DERA: variants seen among roughly 807,000 people sequenced by gnomAD.
The protein encoded by DERA is 2-deoxy-D-ribose 5-phosphate aldolase.
Under a neutral mutation model 41.1 loss-of-function variants are expected in DERA, and 15 were observed. The observed-to-expected ratio is 0.37, with a 90% confidence interval of 0.24 to 0.56. The LOEUF is 0.56. Among genes scored for constraint, DERA ranks in the 20% least tolerant of loss-of-function variants. The probability of loss-of-function intolerance (pLI) is 0.81; values close to 1 mark genes in which losing one functional copy is unlikely to be tolerated. For synonymous variants in DERA, 139 were observed against 137.4 expected (o/e 1.01, Z -0.08); for missense variants, 396 against 403.4 (o/e 0.98, Z 0.16).
intron 1 of DERA, chr12:15,951,408 A>G (rs1233260998): frequency 6.6e-6 from 1 of 152,232 alleles, no homozygotes; most frequent in Non-Finnish European, 1.5e-5. Context: ...GGAATAGCTC[A>G]GTGGCCAAAG....
chr12:15,966,278 A>G lies in DERA; in HGVS notation c.508+3331A>G, dbSNP rs1204356544. ...TGGGAGTTTGAGACCAGCCTGGCCA[A>G]CATGGCAAAACCCTATCTCTACTAA... is the stretch of plus-strand genomic sequence containing the variant. On this transcript the variant is annotated intron_variant, in intron 5 of 8. Transcript: ENST00000428559. This position sits in a 1 kb window ranked among gnomAD's most constrained non-coding sequence, Gnocchi z 5.1. Among the ~76,000 whole-genome samples, 1 of 152,126 alleles carries G rather than the reference A, an allele frequency of 6.6e-6. No individual in the cohort carries two copies. Among genetic ancestry groups the G allele is most frequent in the East Asian group, 1.9e-4 (1 of 5,160 alleles).
chr12:16,025,451 G>A (rs773286271), intron 6 of DERA, among the ~76,000 whole-genome samples: 1 of 151,912 alleles, frequency 6.6e-6, no homozygotes, highest in East Asian at 1.9e-4. Flanking sequence ...CACTATCAGC[G>A]ATAAAAAAGG....
intron 5 of DERA, among the ~76,000 whole-genome samples, chr12:15,971,003 A>C (rs1327739998): frequency 7.2e-5 from 11 of 152,238 alleles, no homozygotes; most frequent in African/African-American, 2.7e-4. Flanking sequence ...GATTTGGAAA[A>C]AGGAGTGTCC....
intron 6 of DERA, among the ~76,000 whole-genome samples, chr12:16,027,704 A>G (rs1949062221): frequency 6.6e-6 from 1 of 152,220 alleles, no homozygotes; most frequent in East Asian, 1.9e-4. Flanking sequence ...GAATGGTGAG[A>G]GAATACACTT....
intron 1 of DERA, among the ~76,000 whole-genome samples, chr12:15,952,606 A>G (rs560788876): frequency 2.6e-5 from 4 of 152,258 alleles, no homozygotes; most frequent in Non-Finnish European, 4.4e-5. Context: ...CCCAAATATT[A>G]TAATTTCATT....
intron 6 of DERA, among the ~76,000 whole-genome samples, chr12:15,991,630 C>T (rs953153286): frequency 1.8e-4 from 27 of 152,026 alleles, no homozygotes; most frequent in African/African-American, 5.3e-4. Context: ...AATATATAAT[C>T]GAATCTATCA....
At chr12:16,018,396 G>A (rs927524695) in intron 6 of DERA, among the ~76,000 whole-genome samples, 3 of 152,080 alleles carry the variant, frequency 2.0e-5, no homozygotes, top group Non-Finnish European at 2.9e-5. Flanking sequence ...TCCCTGTAAC[G>A]AATCATGAGG....
intron 5 of DERA, among the ~76,000 whole-genome samples, chr12:15,968,147 TG>T (rs1948636389): frequency 1.3e-5 from 2 of 152,010 alleles, no homozygotes; most frequent in South Asian, 4.1e-4. Flanking sequence ...TGCCAGATAA[TG>T]GAAACATTGT....
intron 1 of DERA, among the ~76,000 whole-genome samples, chr12:15,914,417 AAGT>A (rs201378268): frequency 0.015 from 2,345 of 151,570 alleles, 26 homozygotes; most frequent in Non-Finnish European, 0.02. Flanking sequence ...AAAAAAGAAA[AAGT>A]CTGTTGAATG....
At position 15,911,545 on chromosome 12, in the gene DERA, T is replaced by C; in HGVS notation, c.31+131T>C. On this transcript the variant is annotated intron_variant, in intron 1 of 8. Transcript: ENST00000428559. The surrounding 1 kb of genome is among the most constrained non-coding windows in gnomAD (Gnocchi z 4.5). ...GGGTTTTCGCTGGGGCGGGAAGCAG[T>C]GGCGTCTGGTCAGCCCTCACCCCAA... 4 of 938,274 alleles carry C rather than the reference T, an allele frequency of 4.3e-6. No homozygotes were observed. The highest frequency in any genetic ancestry group is 2.2e-4 in the Middle Eastern group (1 of 4,548). The allele number at this position is 938,274 out of a possible 1,614,324, so 58.1% of individuals were successfully genotyped here. A position where few individuals can be genotyped will look rare whatever the true frequency, so the allele number is the denominator to read the frequency against.
At chr12:15,923,769 C>T (rs914507655) in intron 1 of DERA, among the ~76,000 whole-genome samples, 2 of 150,610 alleles carry the variant, frequency 1.3e-5, no homozygotes, top group African/African-American at 4.9e-5. Context: ...CTAGGCTTGG[C>T]TCATTCTATC....
rs1236964432 is a variant in DERA, at chr12:15,984,867, CT to C, written c.637+2433del. 6.6e-6 allele frequency among the ~76,000 whole-genome samples: 1 copy of C among 152,116 alleles called. No homozygotes were observed. The highest frequency in any genetic ancestry group is 2.4e-5 in the African/African-American group (1 of 41,432). ...AATATTTTGAAATATTTTTTATATT[CT>C]TGTCCCAATTTTATATGTAACTTGC... On this transcript the variant is annotated intron_variant, in intron 6 of 8. Coordinates refer to ENST00000428559, the MANE Select transcript of DERA (RefSeq NM_015954.4). The surrounding 1 kb of genome is among the most constrained non-coding windows in gnomAD (Gnocchi z 4.5).
chr12:15,956,702 A>T, intron 1 of DERA: 1 of 572,842 alleles, frequency 1.7e-6, no homozygotes, highest in Middle Eastern at 4.7e-4. Flanking sequence ...TACAGAAGCA[A>T]TTGTGGTTTT....
intron 6 of DERA, among the ~76,000 whole-genome samples, chr12:16,025,295 G>T (rs1034607601): frequency 2.0e-5 from 3 of 152,070 alleles, no homozygotes. Flanking sequence ...CCTACTATAT[G>T]TTGTCTGTAA....
intron 6 of DERA, among the ~76,000 whole-genome samples, chr12:16,023,676 A>C (rs1343709953): frequency 6.6e-6 from 1 of 151,376 alleles, no homozygotes; most frequent in East Asian, 1.9e-4. Context: ...ACGGGGTTTC[A>C]CCGTTTTAGC....
rs111596443 is a variant in DERA, at chr12:15,931,277, A to T, written c.31+19863A>T. On this transcript the variant is annotated intron_variant, in intron 1 of 8. Transcript: ENST00000428559. This position sits in a 1 kb window ranked among gnomAD's most constrained non-coding sequence, Gnocchi z 4.6. ...AATAAGTAACAGAGCATTATTGGAC[A>T]TTCTAAAATTTTAATTTTGGAAAGT... is the stretch of plus-strand genomic sequence containing the variant. Among the ~76,000 whole-genome samples, 70 of 152,332 alleles carry T rather than the reference A, an allele frequency of 4.6e-4. No homozygotes were observed. The highest frequency in any genetic ancestry group is 1.6e-3 in the African/African-American group (66 of 41,576).
chr12:15,988,609 A>G lies in DERA; in HGVS notation c.637+6173A>G, dbSNP rs1948781330. On this transcript the variant is annotated intron_variant, in intron 6 of 8. Transcript: ENST00000428559. The surrounding 1 kb of genome is among the most constrained non-coding windows in gnomAD (Gnocchi z 6.0). ...CATGGATGGGCCTGGAAAAAGCACCATCGGACTGCCTGAATGGTCATCAAT... is the reference window on the plus strand; with the variant it reads ...CATGGATGGGCCTGGAAAAAGCACCGTCGGACTGCCTGAATGGTCATCAAT... Among the ~76,000 whole-genome samples, 1 of 152,158 alleles carries G rather than the reference A, an allele frequency of 6.6e-6. No homozygotes were observed. The highest frequency in any genetic ancestry group is 2.4e-5 in the African/African-American group (1 of 41,448).
At chr12:15,926,715 C>T (rs1025368440) in intron 1 of DERA, among the ~76,000 whole-genome samples, 11 of 134,918 alleles carry the variant, frequency 8.2e-5, no homozygotes, top group Admixed American at 1.7e-4. Context: ...CCGCCTGGGG[C>T]GACAGAGCGA....
chr12:16,022,762 G>A (rs1264763752), intron 6 of DERA, among the ~76,000 whole-genome samples: 3 of 152,172 alleles, frequency 2.0e-5, no homozygotes, highest in African/African-American at 7.2e-5. Context: ...TGGAGCAGAA[G>A]CTACTAGAAC....
Sources: allele counts gnomAD v4.1 joint callset (sites outside exome capture counted in the v4.1 genomes callset), GRCh38; gene constraint gnomAD v4.1.1; non-coding constraint Gnocchi (gnomAD v3.1); transcripts MANE v1.5; gene names NCBI Gene and HGNC (gene_info 2026-07-23, HGNC 2026-07-21).